NCOR1: variants seen among roughly 807,000 people sequenced by gnomAD.
NCOR1 encodes nuclear receptor corepressor 1.
A neutral mutation model predicts 288.1 loss-of-function variants in NCOR1; 63 were observed. That is an observed-to-expected ratio of 0.22 (90% CI 0.18 to 0.27). NCOR1 has a LOEUF of 0.27. NCOR1 is among the 10% of genes least tolerant of loss of function. The probability of loss-of-function intolerance (pLI) is 1.00; values close to 1 mark genes in which losing one functional copy is unlikely to be tolerated. For synonymous variants in NCOR1, 1,007 were observed against 1,065.9 expected (o/e 0.94, Z 1.08); for missense variants, 2,397 against 3,019.2 (o/e 0.79, Z 4.83).
chr17:16,170,457 T>C (rs2082918044), intron 4 of NCOR1, among the ~76,000 whole-genome samples: 1 of 152,192 alleles, frequency 6.6e-6, no homozygotes, highest in African/African-American at 2.4e-5. Flanking sequence ...TTATTCTTTC[T>C]ATGACAAATA....
intron 2 of NCOR1, among the ~76,000 whole-genome samples, chr17:16,190,160 C>T (rs1338773445): frequency 2.0e-5 from 3 of 152,140 alleles, no homozygotes; most frequent in African/African-American, 7.2e-5. Context: ...AGCCCAGGAG[C>T]TCAAGGTTAC....
chr17:16,127,534 T>TGTATGTATATA (rs1491199204), intron 14 of NCOR1, among the ~76,000 whole-genome samples: 8 of 135,336 alleles, frequency 5.9e-5, no homozygotes, highest in African/African-American at 2.7e-4. Context: ...CGTGTATATA[T>TGTATGTATATA]CTGCATGTAT....
chr17:16,159,549 T>A (rs1032558173), intron 5 of NCOR1, among the ~76,000 whole-genome samples: 4 of 152,040 alleles, frequency 2.6e-5, no homozygotes, highest in Admixed American at 6.6e-5. Context: ...AACACTCTTA[T>A]ATGTTATAGA....
At chr17:16,215,223 G>A (rs1486623316) in intron 1 of NCOR1, 139 bp downstream of exon 1, 5 of 379,200 alleles carry the variant, frequency 1.3e-5, no homozygotes, top group African/African-American at 4.2e-5. Flanking sequence ...GCCAGGACGG[G>A]TCCCGACCTG....
chr17:16,208,263 T>C (rs1417320567), intron 1 of NCOR1, among the ~76,000 whole-genome samples: 1 of 135,288 alleles, frequency 7.4e-6, no homozygotes, highest in Non-Finnish European at 1.5e-5. Context: ...TTTCACCACG[T>C]TGGCCAGAAT....
In NCOR1 at chr17:16,086,416, T is replaced by C. The variant is rs1459522691; in HGVS notation, c.3043A>G (p.Ile1015Val). Reference protein sequence around the residue: ...EVLQPAPHQVITNLPEGVRLP... With the variant: ...EVLQPAPHQVVTNLPEGVRLP... ...CGAACGCCTTCAGGGAGATTAGTTA[T>C]CACTTGATGTGGAGCAGGCTGAAGG... is the stretch of plus-strand genomic sequence containing the variant. The change falls in exon 23 of 46, where the codon ATA becomes GTA. Residue 1015 changes from isoleucine to valine, a missense_variant. Around this residue, in one of 11 missense-constraint regions of NCOR1, gnomAD observed 1,872 missense variants for 2,187.8 expected, o/e 0.86. Coordinates refer to ENST00000268712, the MANE Select transcript of NCOR1 (RefSeq NM_006311.4). 2 of 1,613,962 alleles carry C rather than the reference T, an allele frequency of 1.2e-6. No homozygotes were observed. The highest frequency in any genetic ancestry group is 1.7e-6 in the Non-Finnish European group (2 of 1,179,966).
intron 8 of NCOR1, among the ~76,000 whole-genome samples, chr17:16,149,907 C>CA (rs1446866191): frequency 6.6e-6 from 1 of 152,138 alleles, no homozygotes; most frequent in Non-Finnish European, 1.5e-5. Context: ...CTCCCTACAT[C>CA]AGGTGCTAAC....
intron 3 of NCOR1, among the ~76,000 whole-genome samples, chr17:16,178,923 G>A (rs554374668): frequency 3.3e-5 from 5 of 151,892 alleles, no homozygotes; most frequent in South Asian, 2.1e-4. Flanking sequence ...TGGCCAACAC[G>A]GTGAGACCCT....
intron 10 of NCOR1, among the ~76,000 whole-genome samples, chr17:16,143,958 T>A (rs369310349): frequency 6.6e-6 from 1 of 152,214 alleles, no homozygotes; most frequent in Non-Finnish European, 1.5e-5. Context: ...TAGAAAGTCA[T>A]AATTATTGAT....
At chr17:16,044,490 G>C (rs185518380) in intron 42 of NCOR1, 1 of 477,006 alleles carries the variant, frequency 2.1e-6, no homozygotes. Flanking sequence ...AAAGCAGATC[G>C]TCCTTTCCTC....
chr17:16,147,881 C>T (rs910517562), intron 9 of NCOR1, among the ~76,000 whole-genome samples: 3 of 152,112 alleles, frequency 2.0e-5, no homozygotes, highest in East Asian at 3.9e-4. Flanking sequence ...TGCAGTGGCG[C>T]GATCTCGCTC....
intron 43 of NCOR1, 53 bp downstream of exon 43, chr17:16,040,384 GGACT>G: frequency 6.9e-7 from 1 of 1,441,542 alleles, no homozygotes; most frequent in South Asian, 1.2e-5. Flanking sequence ...CATATTTGTT[GGACT>G]GACTACTGCT....
At chr17:16,050,809 C>G (rs1349265837) in intron 40 of NCOR1, among the ~76,000 whole-genome samples, 1 of 151,738 alleles carries the variant, frequency 6.6e-6, no homozygotes, top group Non-Finnish European at 1.5e-5. Flanking sequence ...GATTTGCCTT[C>G]TCTGTTGTTG....
At chr17:16,077,000 T>C (rs1453498661) in intron 26 of NCOR1, among the ~76,000 whole-genome samples, 1 of 152,196 alleles carries the variant, frequency 6.6e-6, no homozygotes, top group Non-Finnish European at 1.5e-5. Flanking sequence ...AATTGGGCTA[T>C]GAAGTTTTGC....
rs369463960 is a variant in NCOR1 at position 16,121,045 on chromosome 17, C to T, written c.1852+7G>A. On this transcript the variant is annotated splice_region_variant and intron_variant, in intron 16 of 45. Coordinates refer to ENST00000268712, the MANE Select transcript of NCOR1 (RefSeq NM_006311.4). The stretch of plus-strand genomic sequence containing the variant: ...ATGGCCTGTTTATGCCAATTGTTTC[C>T]ACTCACTGGGTTCTGGTGGCGGTGG... 19 of 1,609,612 alleles carry T rather than the reference C, an allele frequency of 1.2e-5. No individual in the cohort carries two copies. The highest frequency in any genetic ancestry group is 1.4e-5 in the Non-Finnish European group (16 of 1,177,120).
intron 27 of NCOR1, among the ~76,000 whole-genome samples, chr17:16,074,285 C>T (rs1006550944): frequency 1.3e-5 from 2 of 152,030 alleles, no homozygotes; most frequent in Non-Finnish European, 2.9e-5. Flanking sequence ...CAAGGAGTGA[C>T]GTGGTACACA....
chr17:16,093,917 CT>C (rs951663007), intron 21 of NCOR1, among the ~76,000 whole-genome samples: 3 of 151,316 alleles, frequency 2.0e-5, no homozygotes, highest in African/African-American at 7.3e-5. Flanking sequence ...TTTTTAATGC[CT>C]TTTTTTTGAG....
rs751270325 is a variant in NCOR1, at chr17:16,086,295, C to A, written c.3164G>T (p.Gly1055Val). The change falls in exon 23 of 46, where the codon GGC becomes GTC. Residue 1055 changes from glycine to valine, a missense_variant. Around this residue, in one of 11 missense-constraint regions of NCOR1, gnomAD observed 1,872 missense variants for 2,187.8 expected, o/e 0.86. Coordinates refer to ENST00000268712, the MANE Select transcript of NCOR1 (RefSeq NM_006311.4). The stretch of plus-strand genomic sequence containing the variant: ...AAGTCGTTTCACCTGTGAGATGGAG[C>A]CTCCCATTATAAAAGATGGTTTTTC... ...ASEKPSFIMG[G>V]SISQGTPGTY... is the part of the protein sequence containing the mutation. 6.2e-7 allele frequency: 1 copy of A among 1,613,730 alleles called. No individual in the cohort carries two copies. The highest frequency in any genetic ancestry group is 8.5e-7 in the Non-Finnish European group (1 of 1,179,920).
rs770909489 is a variant in NCOR1, at chr17:16,126,201, A to T, written c.1515T>A (p.Ile505=). The change falls in exon 15 of 46, where the codon ATT becomes ATA. Residue 505 remains isoleucine (I), a synonymous_variant. Transcript: ENST00000268712. ...CTTTTTCTTCTTGCGAGGGTCGAGCAATTTGCTGCTAGAATGAACCATCAT... is the reference window on the plus strand; with the variant it reads ...CTTTTTCTTCTTGCGAGGGTCGAGCTATTTGCTGCTAGAATGAACCATCAT... ...YGKRRGRNQQ[I]ARPSQEEKVE... is the part of the protein sequence containing the mutation. The T allele has an allele frequency of 6.6e-7, 1 of 1,515,392 alleles. No homozygotes were observed. 93.9% of individuals were successfully genotyped at this position (1,515,392 alleles called of 1,614,324 possible).
Sources: allele counts gnomAD v4.1 joint callset (sites outside exome capture counted in the v4.1 genomes callset), GRCh38; gene constraint gnomAD v4.1.1; regional missense constraint gnomAD v4.1.1; transcripts MANE v1.5; gene names NCBI Gene and HGNC (gene_info 2026-07-23, HGNC 2026-07-21).